COL22A1: variants seen among roughly 807,000 people sequenced by gnomAD.
The protein encoded by COL22A1 is collagen alpha-1(XXII) chain.
In COL22A1, 221 loss-of-function variants were observed where a neutral mutation model predicts 248.9. The ratio of observed to expected loss-of-function variants is 0.89; its 90% CI spans 0.80 to 0.99. COL22A1 has a LOEUF of 0.99. Among genes scored for constraint, COL22A1 ranks in the 50% least tolerant of loss-of-function variants. The pLI, the probability that COL22A1 is intolerant of heterozygous loss-of-function variation, is 0.00. For synonymous variants in COL22A1, 891 were observed against 793.4 expected (o/e 1.12, Z -2.07); for missense variants, 2,240 against 2,179.0 (o/e 1.03, Z -0.56).
At chr8:138,879,690 CAAAAAA>C (rs372214665) in intron 2 of COL22A1, among the ~76,000 whole-genome samples, 1 of 99,044 alleles carries the variant, frequency 1.0e-5, no homozygotes, top group Non-Finnish European at 1.8e-5. Flanking sequence ...GACACTCTCT[CAAAAAA>C]AAAAAAAAAA....
rs753511425 is a variant in COL22A1, at chr8:138,878,048, C to T, written c.360G>A (p.Ala120=). The T allele has an allele frequency of 1.4e-5, 22 of 1,592,930 alleles. No individual in the cohort carries two copies. The Admixed American group carries it at 3.0e-4, about 22-fold the overall frequency. Residue 120 remains alanine (A), a synonymous_variant, in exon 3 of 65, where the codon GCG becomes GCA. Coordinates refer to ENST00000303045, the MANE Select transcript of COL22A1 (RefSeq NM_152888.3). The part of the protein sequence containing the change: ...YHGGNTNTGD[A]LRYITARSFS... ...AGCTGCGGGCCGTGATGTAGCGGAG[C>T]GCGTCTCCCGTGTTGGTGTTGCCCC...
chr8:138,790,607 G>C (rs975647749), intron 12 of COL22A1, among the ~76,000 whole-genome samples: 6 of 152,174 alleles, frequency 3.9e-5, no homozygotes, highest in African/African-American at 1.4e-4. Flanking sequence ...GCCTGCCTTT[G>C]AAAAACATTG....
chr8:138,624,769 G>A (rs1820103949), intron 51 of COL22A1, among the ~76,000 whole-genome samples: 1 of 152,156 alleles, frequency 6.6e-6, no homozygotes, highest in African/African-American at 2.4e-5. Context: ...AGGCTGCAGA[G>A]TTACAGACAG....
intron 44 of COL22A1, among the ~76,000 whole-genome samples, chr8:138,656,528 AT>A (rs1318201423): frequency 6.6e-6 from 1 of 152,192 alleles, no homozygotes; most frequent in African/African-American, 2.4e-5. Context: ...CTGCAGGTGG[AT>A]GAATTCATGC....
chr8:138,672,177 T>A (rs1825091949), intron 41 of COL22A1, among the ~76,000 whole-genome samples: 1 of 152,190 alleles, frequency 6.6e-6, no homozygotes, highest in African/African-American at 2.4e-5. Flanking sequence ...AACGGTGACT[T>A]CAGGGAAGTG....
At chr8:138,862,668 C>T (rs2131964771) in intron 3 of COL22A1, among the ~76,000 whole-genome samples, 2 of 152,152 alleles carry the variant, frequency 1.3e-5, no homozygotes, top group East Asian at 3.9e-4. Flanking sequence ...TTATACTACC[C>T]TGAAATGCAG....
rs183143738 is a variant in COL22A1 at position 138,756,838 on chromosome 8, C to G, written c.1903-1009G>C. Among the ~76,000 whole-genome samples, 11 of 152,216 alleles carry G rather than the reference C, an allele frequency of 7.2e-5. No homozygotes were observed. The East Asian group carries it at 2.1e-3, about 29-fold the overall frequency. Reference sequence around the variant, plus strand: ...CAATGCCCTGTCTCCCATCCCTGCCCGAGACCTGGAAAAATCACCTCACTT... The same window carrying G: ...CAATGCCCTGTCTCCCATCCCTGCCGGAGACCTGGAAAAATCACCTCACTT... On this transcript the variant is annotated intron_variant, in intron 18 of 64. Transcript: ENST00000303045.
chr8:138,876,201 T>C (rs1823705372), intron 3 of COL22A1, among the ~76,000 whole-genome samples: 1 of 152,188 alleles, frequency 6.6e-6, no homozygotes, highest in Non-Finnish European at 1.5e-5. Flanking sequence ...TCATGGTTCA[T>C]TGACCATGTC....
chr8:138,617,459 A>T (rs1219431439), intron 53 of COL22A1, among the ~76,000 whole-genome samples: 2 of 152,132 alleles, frequency 1.3e-5, no homozygotes, highest in Non-Finnish European at 2.9e-5. Flanking sequence ...CCCGGGCCAT[A>T]GTGCTGGGGT....
chr8:138,614,534 T>A (rs1160001395), intron 55 of COL22A1, among the ~76,000 whole-genome samples: 1 of 152,214 alleles, frequency 6.6e-6, no homozygotes, highest in East Asian at 1.9e-4. Flanking sequence ...GAAGGAAGCA[T>A]AGCCCATCAC....
chr8:138,608,282 G>A (rs1324153094), intron 56 of COL22A1, among the ~76,000 whole-genome samples: 2 of 152,172 alleles, frequency 1.3e-5, no homozygotes, highest in African/African-American at 2.4e-5. Context: ...TTATGACCAC[G>A]TTCATTCATT....
intron 15 of COL22A1, 68 bp from the exon 16 acceptor site, chr8:138,776,078 G>C: frequency 6.5e-7 from 1 of 1,531,676 alleles, no homozygotes; most frequent in Non-Finnish European, 9.0e-7. Context: ...CCGTGGGGGT[G>C]TCCATGGAGA....
intron 1 of COL22A1, among the ~76,000 whole-genome samples, chr8:138,892,238 G>A (rs1825118927): frequency 6.6e-6 from 1 of 152,192 alleles, no homozygotes; most frequent in African/African-American, 2.4e-5. Flanking sequence ...TAAATGGAGT[G>A]TTCATAACAA....
intron 5 of COL22A1, among the ~76,000 whole-genome samples, chr8:138,831,129 G>T (rs1239475449): frequency 6.6e-6 from 1 of 152,148 alleles, no homozygotes; most frequent in Non-Finnish European, 1.5e-5. Context: ...CGGATGAAAT[G>T]ACATTAGGGT....
intron 16 of COL22A1, 43 bp downstream of exon 16, chr8:138,775,923 C>T (rs765431800): frequency 6.3e-7 from 1 of 1,597,268 alleles, no homozygotes; most frequent in East Asian, 2.2e-5. Flanking sequence ...TCTCCCTTTT[C>T]TATGGAAAGC....
At chr8:138,852,251 G>A (rs1466236628) in intron 3 of COL22A1, among the ~76,000 whole-genome samples, 13 of 152,108 alleles carry the variant, frequency 8.5e-5, no homozygotes, top group Admixed American at 8.5e-4. Context: ...AAGGGTGGAG[G>A]CAAAGGCCAG....
At chr8:138,724,703 C>T (rs201177590) in intron 24 of COL22A1, 35 bp from the exon 25 acceptor site, 9 of 1,600,614 alleles carry the variant, frequency 5.6e-6, no homozygotes, top group African/African-American at 2.7e-5. Context: ...GTTAGCCTGG[C>T]CTGTTCAGAG....
At chr8:138,848,231 C>A (rs1453896689) in intron 3 of COL22A1, among the ~76,000 whole-genome samples, 1 of 152,194 alleles carries the variant, frequency 6.6e-6, no homozygotes, top group African/African-American at 2.4e-5. Context: ...AAAGACACTG[C>A]TTCCTTAAAG....
At chr8:138,888,770 G>A (rs370378606) in intron 1 of COL22A1, among the ~76,000 whole-genome samples, 2 of 152,198 alleles carry the variant, frequency 1.3e-5, no homozygotes, top group African/African-American at 4.8e-5. Flanking sequence ...GCAAGTCAGA[G>A]CTGATCGCCC....
Sources: allele counts gnomAD v4.1 joint callset (sites outside exome capture counted in the v4.1 genomes callset), GRCh38; gene constraint gnomAD v4.1.1; transcripts MANE v1.5; gene names NCBI Gene and HGNC (gene_info 2026-07-23, HGNC 2026-07-21).